RMC1: variants seen among roughly 807,000 people sequenced by gnomAD.
The protein encoded by RMC1 is regulator of MON1-CCZ1 complex.
A neutral mutation model predicts 95.5 loss-of-function variants in RMC1; 44 were observed. That is an observed-to-expected ratio of 0.46 (90% confidence interval 0.36 to 0.59). RMC1 has a LOEUF of 0.59. Ranked by LOEUF, RMC1 falls within the 20% of genes least tolerant of loss-of-function variation. The probability of loss-of-function intolerance (pLI) is 0.00; values close to 1 mark genes in which losing one functional copy is unlikely to be tolerated. For missense variants in RMC1, 705 were observed against 819.6 expected, an observed-to-expected ratio of 0.86 and a Z score of 1.71; for synonymous variants, 320 against 303.6, an observed-to-expected ratio of 1.05 and a Z score of -0.56.
chr18:23,529,524 G>GA (rs1190916314), intron 15 of RMC1, 111 bp from the exon 16 acceptor site: 6 of 1,251,394 alleles, frequency 4.8e-6, no homozygotes, highest in Non-Finnish European at 6.9e-6. Flanking sequence ...AGTGAAAGAT[G>GA]AACACTGGGC....
chr18:23,525,033 GCCTC>G (rs1400058946), intron 12 of RMC1, among the ~76,000 whole-genome samples: 2 of 125,910 alleles, frequency 1.6e-5, no homozygotes, highest in African/African-American at 6.1e-5. Flanking sequence ...TGCAACCTCC[GCCTC>G]CCGGGTTCAA....
chr18:23,509,366 T>TAC (rs2057789824), intron 5 of RMC1, 87 bp downstream of exon 5: 1 of 402,946 alleles, frequency 2.5e-6, no homozygotes, highest in Admixed American at 4.8e-5. Context: ...AATATATATA[T>TAC]ATATATTTTA....
At chr18:23,520,951 C>T (rs1365773834) in intron 10 of RMC1, among the ~76,000 whole-genome samples, 2 of 152,212 alleles carry the variant, frequency 1.3e-5, no homozygotes, top group African/African-American at 4.8e-5. Context: ...CTTCTGGCCT[C>T]AAGTGATCTG....
chr18:23,517,970 A>G (rs1214791387), intron 7 of RMC1, among the ~76,000 whole-genome samples: 3 of 152,150 alleles, frequency 2.0e-5, no homozygotes, highest in Non-Finnish European at 4.4e-5. Flanking sequence ...CTCCCGCCTC[A>G]TCCTCCCAAA....
rs752690577 is a variant in RMC1 at position 23,516,397 on chromosome 18, C to T, written c.627C>T (p.Ser209=). The change falls in exon 7 of 20, where the codon TCC becomes TCT. Residue 209 remains serine, a synonymous_variant. Coordinates refer to ENST00000269221, the MANE Select transcript of RMC1 (RefSeq NM_013326.5). ...AAPKSTKPSL[S]ERDIAMATIY... ...CTAAGTCAACTAAACCCAGCCTTTC[C>T]GAAAGAGACATCGCAATGGCTACCA... 6.4e-5 allele frequency: 103 copies of T among 1,614,064 alleles called. 1 individual carries two copies. Among genetic ancestry groups the T allele is most frequent in the Admixed American group, 8.3e-5 (5 of 60,004 alleles).
At chr18:23,528,045 T>A in intron 14 of RMC1, 144 bp downstream of exon 14, 1 of 647,454 alleles carries the variant, frequency 1.5e-6, no homozygotes, top group East Asian at 2.9e-5. Context: ...AAGGTGGCAG[T>A]AGTGGGGGAT....
chr18:23,504,595 G>C (rs540860687), intron 2 of RMC1, 148 bp downstream of exon 2: 1 of 634,170 alleles, frequency 1.6e-6, no homozygotes, highest in East Asian at 2.8e-5. Flanking sequence ...TCTGTAGGGA[G>C]GGTCTTCGTG....
intron 12 of RMC1, among the ~76,000 whole-genome samples, chr18:23,524,752 G>C (rs1355983048): frequency 6.6e-6 from 1 of 151,654 alleles, no homozygotes; most frequent in East Asian, 1.9e-4. Flanking sequence ...TCCACCCCAG[G>C]GTGGATGGAA....
Position 23,518,938 on chromosome 18 carries a change from C to T in RMC1, c.702C>T (p.Ser234=). The change falls in exon 8 of 20, where the codon TCC becomes TCT. Residue 234 remains serine (S), a synonymous_variant. Coordinates refer to ENST00000269221, the MANE Select transcript of RMC1 (RefSeq NM_013326.5). ...TCTTGAGGCATCATTCTCGGACCTCCAACAGCACAGGAGCGGAGGTGGTCC... is the reference window on the plus strand; with the variant it reads ...TCTTGAGGCATCATTCTCGGACCTCTAACAGCACAGGAGCGGAGGTGGTCC... The part of the protein sequence containing the change: ...VLFLRHHSRT[S]NSTGAEVVLY... 6.2e-7 allele frequency: 1 copy of T among 1,614,162 alleles called. No individual in the cohort carries two copies. The highest frequency in any genetic ancestry group is 8.5e-7 in the Non-Finnish European group (1 of 1,180,012).
At chr18:23,520,180 G>C in intron 9 of RMC1, 22 bp from the exon 10 acceptor site, 1 of 1,591,494 alleles carries the variant, frequency 6.3e-7, no homozygotes, top group Non-Finnish European at 8.6e-7. Flanking sequence ...TTTGGCCTCA[G>C]TCTTGTCTTT....
At chr18:23,517,386 G>A (rs985511782) in intron 7 of RMC1, among the ~76,000 whole-genome samples, 1 of 152,144 alleles carries the variant, frequency 6.6e-6, no homozygotes, top group African/African-American at 2.4e-5. Flanking sequence ...TTGACCTCTT[G>A]ATCTGCCCTC....
chr18:23,524,254 G>C (rs759000250), intron 11 of RMC1, 80 bp downstream of exon 11: 1 of 1,563,130 alleles, frequency 6.4e-7, no homozygotes, highest in Non-Finnish European at 8.8e-7. Context: ...GTCCTCCTCC[G>C]GGCAGCTGTG....
rs1477328515 is a variant in RMC1 at position 23,529,001 on chromosome 18, T to A, written c.1297-178T>A. 5.0e-6 allele frequency: 5 copies of A among 991,812 alleles called. No individual in the cohort carries two copies. The African/African-American group carries it at 8.3e-5, about 17-fold the overall frequency. The allele number at this position is 991,812 out of a possible 1,614,324, so 61.4% of individuals were successfully genotyped here. On this transcript the variant is annotated intron_variant, in intron 14 of 19. Coordinates refer to ENST00000269221, the MANE Select transcript of RMC1 (RefSeq NM_013326.5). ...TTCAAGGGATTCTCCTGCCTCAGCCTCCTGAGTAGCTGGGATTACAGGCAT... is the reference window on the plus strand; with the variant it reads ...TTCAAGGGATTCTCCTGCCTCAGCCACCTGAGTAGCTGGGATTACAGGCAT...
chr18:23,525,952 C>T (rs1475858370), intron 12 of RMC1, among the ~76,000 whole-genome samples: 1 of 152,238 alleles, frequency 6.6e-6, no homozygotes, highest in Non-Finnish European at 1.5e-5. Flanking sequence ...CCCATAGCCT[C>T]ATGTGACATC....
intron 19 of RMC1, 79 bp downstream of exon 19, chr18:23,530,691 A>C (rs556380604): frequency 7.3e-7 from 1 of 1,372,772 alleles, no homozygotes; most frequent in South Asian, 1.4e-5. Flanking sequence ...GTGGGCGAGG[A>C]CCCTGGGTTA....
rs200801394 is a variant in RMC1 at position 23,509,323 on chromosome 18, T to C, written c.408+44T>C. ...ATGTTTGTTGGTTAAAGTTCAGTGATAGCATTCTGGCAGCCTTTTGAATTC... is the reference window on the plus strand; with the variant it reads ...ATGTTTGTTGGTTAAAGTTCAGTGACAGCATTCTGGCAGCCTTTTGAATTC... On this transcript the variant is annotated intron_variant, in intron 5 of 19. Coordinates refer to ENST00000269221, the MANE Select transcript of RMC1 (RefSeq NM_013326.5). The C allele has an allele frequency of 4.1e-6, 4 of 979,024 alleles. No homozygotes were observed. In the East Asian group the frequency reaches 1.2e-4, roughly 29 times the overall value. The allele number at this position is 979,024 out of a possible 1,614,324, so 60.6% of individuals were successfully genotyped here.
At chr18:23,524,357 G>T in intron 11 of RMC1, 72 bp from the exon 12 acceptor site, 1 of 1,551,404 alleles carries the variant, frequency 6.4e-7, no homozygotes, top group Non-Finnish European at 8.9e-7. Flanking sequence ...GGGCAGGGGC[G>T]AGTGCTAGCG....
At chr18:23,521,518 A>G (rs1489813114) in intron 10 of RMC1, among the ~76,000 whole-genome samples, 2 of 152,142 alleles carry the variant, frequency 1.3e-5, no homozygotes, top group Non-Finnish European at 2.9e-5. Flanking sequence ...TGTGGCTCTT[A>G]GGCTTACCCA....
intron 3 of RMC1, among the ~76,000 whole-genome samples, chr18:23,507,472 A>G (rs1023598603): frequency 3.3e-5 from 5 of 152,314 alleles, no homozygotes; most frequent in Admixed American, 3.3e-4. Flanking sequence ...ATTTTTGGCT[A>G]CTTTGTGAAT....
Sources: gnomAD v4.1 joint callset for allele counts (sites outside exome capture counted in the v4.1 genomes callset) on GRCh38, gnomAD v4.1.1 for gene constraint, MANE v1.5 for transcripts, NCBI Gene and HGNC (gene_info 2026-07-23, HGNC 2026-07-21) for gene names.